Variants in CEP350 observed in about 807,000 individuals in gnomAD.
The protein encoded by CEP350 is centrosome-associated protein 350.
CEP350 carries 126 observed loss-of-function variants against 331.8 expected under a neutral mutation model. The observed-to-expected ratio is 0.38, with a 90% CI of 0.33 to 0.44. The LOEUF is 0.44. Among genes scored for constraint, CEP350 ranks in the 20% least tolerant of loss-of-function variants. The pLI is 1.00. For missense variants in CEP350, 3,406 were observed against 3,634.6 expected (o/e 0.94, Z 1.62); for synonymous variants, 1,200 against 1,259.5 (o/e 0.95, Z 1.00).
chr1:180,089,279 A>G (rs1174420619), intron 32 of CEP350, among the ~76,000 whole-genome samples: 1 of 152,176 alleles, frequency 6.6e-6, no homozygotes, highest in African/African-American at 2.4e-5. Context: ...ATTTTAGGAT[A>G]GTGAAGGATT....
intron 26 of CEP350, among the ~76,000 whole-genome samples, chr1:180,064,652 A>G (rs1379270916): frequency 6.6e-6 from 1 of 152,208 alleles, no homozygotes; most frequent in African/African-American, 2.4e-5. Flanking sequence ...CATAAGGAAT[A>G]TTCAAAGGAA....
chr1:180,003,319 T>C, intron 7 of CEP350, 32 bp downstream of exon 7: 1 of 1,346,014 alleles, frequency 7.4e-7, no homozygotes, highest in South Asian at 1.3e-5. Context: ...GTTTTGAGTA[T>C]TTTGTCATAC....
chr1:180,006,010 G>T (rs1307293803), intron 7 of CEP350, among the ~76,000 whole-genome samples: 1 of 152,080 alleles, frequency 6.6e-6, no homozygotes, highest in Non-Finnish European at 1.5e-5. Context: ...ACCTTGACAT[G>T]TTTCACTAGC....
chr1:180,081,684 A>G (rs1659576308), intron 30 of CEP350, among the ~76,000 whole-genome samples: 3 of 152,246 alleles, frequency 2.0e-5, no homozygotes, highest in Admixed American at 2.0e-4. Flanking sequence ...TAATACCTGT[A>G]CAGTATATTA....
chr1:180,103,669 A>G (rs892365586), intron 37 of CEP350, among the ~76,000 whole-genome samples: 1 of 151,996 alleles, frequency 6.6e-6, no homozygotes, highest in Non-Finnish European at 1.5e-5. Flanking sequence ...TTGAATCTAT[A>G]GATTCATATC....
rs887636730 is a variant in CEP350 at position 180,085,068 on chromosome 1, CT to C, written c.6285+897del. On this transcript the variant is annotated intron_variant, in intron 31 of 37. Coordinates refer to ENST00000367607, the MANE Select transcript of CEP350 (RefSeq NM_014810.5). ...CTCTTCCTTCCCTCTTCCCTGTCCC[CT>C]TTTTTTCTCCTTTTCTTTCCTCCTT... Among the ~76,000 whole-genome samples, 4 of 151,462 alleles carry C rather than the reference CT, an allele frequency of 2.6e-5. No individual in the cohort carries two copies. The South Asian group carries it at 6.3e-4, about 24-fold the overall frequency.
intron 5 of CEP350, among the ~76,000 whole-genome samples, chr1:179,995,892 C>T (rs542810688): frequency 6.6e-6 from 1 of 152,284 alleles, no homozygotes; most frequent in East Asian, 1.9e-4. Flanking sequence ...TTTCTACCCC[C>T]AGTCTATTTA....
At position 179,990,529 on chromosome 1, in the gene CEP350, T is replaced by C; in HGVS notation, c.143T>C (p.Leu48Ser). Residue 48 changes from leucine to serine, a missense_variant, in exon 4 of 38, where the codon TTA (leucine) becomes TCA (serine). Leu to Ser is a moderately radical substitution (Grantham distance 145). Around this residue, in one of 5 missense-constraint regions of CEP350, gnomAD observed 1,857 missense variants for 1,909.2 expected, o/e 0.97. Coordinates refer to ENST00000367607, the MANE Select transcript of CEP350 (RefSeq NM_014810.5). ...TAGCTGAGACACATTGAAAATAAAT[T>C]AGAAGTAGCCCCTACAAGTACAGCT... ...KAALRHIENK[L>S]EVAPTSTAVC... The C allele has an allele frequency of 6.3e-7, 1 of 1,595,956 alleles. No individual in the cohort carries two copies. Among genetic ancestry groups the C allele is most frequent in the Non-Finnish European group, 8.5e-7 (1 of 1,169,650 alleles).
intron 8 of CEP350, among the ~76,000 whole-genome samples, chr1:180,009,577 C>G (rs531100529): frequency 2.4e-4 from 37 of 151,976 alleles, no homozygotes; most frequent in African/African-American, 8.7e-4. Flanking sequence ...TGTAACTGTT[C>G]CAGAAAGTTA....
At position 180,022,857 on chromosome 1, in the gene CEP350, T is replaced by G. The variant is rs374753168; in HGVS notation, c.3386+9T>G. Reference sequence around the variant, plus strand: ...TCAACTCTTGAACCTCAGTAAGATATATTGGCAATATGGAATAAACTCTGA... The same window carrying G: ...TCAACTCTTGAACCTCAGTAAGATAGATTGGCAATATGGAATAAACTCTGA... On this transcript the variant is annotated intron_variant, in intron 13 of 37. Transcript: ENST00000367607. The G allele has an allele frequency of 3.2e-6, 5 of 1,567,748 alleles. No individual in the cohort carries two copies. Among genetic ancestry groups the G allele is most frequent in the Non-Finnish European group, 4.3e-6 (5 of 1,154,972 alleles).
chr1:179,992,096 TC>T lies in CEP350; in HGVS notation c.272del (p.Pro91GlnfsTer26). 6.4e-7 allele frequency: 1 copy of T among 1,555,444 alleles called. No individual in the cohort carries two copies. Among genetic ancestry groups the T allele is most frequent in the Non-Finnish European group, 8.7e-7 (1 of 1,152,746 alleles). On this transcript the variant is annotated frameshift_variant, in exon 5 of 38. Coordinates refer to ENST00000367607, the MANE Select transcript of CEP350 (RefSeq NM_014810.5). LOFTEE classifies it high-confidence loss of function. The stretch of plus-strand genomic sequence containing the variant: ...ACCTGGATGATTCTTGGGTTAATGC[TC>T]CAATCTCCAAATCCACTAAATCACG... Reference protein sequence around the residue: ...RYLDDSWVNAPISKSTKSRKE... With the variant: ...RYLDDSWVNAXISKSTKSRKE...
intron 4 of CEP350, 34 bp from the exon 5 acceptor site, chr1:179,992,028 A>G: frequency 6.7e-7 from 1 of 1,492,822 alleles, no homozygotes; most frequent in South Asian, 1.4e-5. Context: ...TGTATTTTAT[A>G]TTATATGTTC....
chr1:180,064,904 A>G (rs936625459), intron 26 of CEP350, among the ~76,000 whole-genome samples: 3 of 152,040 alleles, frequency 2.0e-5, no homozygotes, highest in East Asian at 1.9e-4. Context: ...TTTTCTCTCT[A>G]TATATAAATG....
At chr1:180,041,273 TG>T in intron 18 of CEP350, 25 bp downstream of exon 18, 4 of 1,510,490 alleles carry the variant, frequency 2.6e-6, no homozygotes, top group Non-Finnish European at 3.6e-6. Flanking sequence ...AGCAGGTTCT[TG>T]TTTTTTAAAC....
chr1:180,075,314 C>A, intron 28 of CEP350, 93 bp downstream of exon 28: 1 of 1,266,022 alleles, frequency 7.9e-7, no homozygotes, highest in Admixed American at 2.7e-5. Flanking sequence ...AGGCTGGGCG[C>A]AGTGGCTCAC....
intron 34 of CEP350, 51 bp downstream of exon 34, chr1:180,094,667 C>A: frequency 6.5e-7 from 1 of 1,549,240 alleles, no homozygotes; most frequent in Admixed American, 2.1e-5. Context: ...ACACTTTTAA[C>A]AAGGCAACTT....
chr1:180,104,019 A>G (rs1306812543), intron 37 of CEP350, among the ~76,000 whole-genome samples: 1 of 143,938 alleles, frequency 6.9e-6, no homozygotes, highest in East Asian at 2.0e-4. Context: ...ATACAAATAT[A>G]TATTTTAAAA....
At chr1:180,100,639 A>G (rs1004687281) in intron 37 of CEP350, among the ~76,000 whole-genome samples, 1 of 152,204 alleles carries the variant, frequency 6.6e-6, no homozygotes, top group South Asian at 2.1e-4. Flanking sequence ...TTTACACACA[A>G]GTGTGTAAGT....
chr1:180,069,272 T>G (rs1658743538), intron 27 of CEP350, among the ~76,000 whole-genome samples: 2 of 152,198 alleles, frequency 1.3e-5, no homozygotes, highest in Admixed American at 1.3e-4. Flanking sequence ...TTTAAATGAT[T>G]GATCAAAAAG....
Sources: gnomAD v4.1 joint callset for allele counts (sites outside exome capture counted in the v4.1 genomes callset) on GRCh38, gnomAD v4.1.1 for gene constraint, gnomAD v4.1.1 regional missense constraint, MANE v1.5 for transcripts, NCBI Gene and HGNC (gene_info 2026-07-23, HGNC 2026-07-21) for gene names.